The following TOX2 variants were observed in gnomAD, a reference collection of about 807,000 sequenced individuals.
The protein encoded by TOX2 is granulosa cell HMG box 1.
TOX2 carries 15 observed loss-of-function variants against 47.4 expected under a neutral mutation model. That is an observed-to-expected ratio of 0.32 (90% CI 0.21 to 0.49). TOX2 has a LOEUF of 0.49. Ranked by LOEUF, TOX2 falls within the 20% of genes least tolerant of loss-of-function variation. The pLI is 0.99. For synonymous variants in TOX2, 290 were observed against 296.6 expected, an observed-to-expected ratio of 0.98 and a Z score of 0.23; for missense variants, 622 against 673.1, an observed-to-expected ratio of 0.92 and a Z score of 0.84.
intron 1 of TOX2, among the ~76,000 whole-genome samples, chr20:43,937,086 C>T (rs2069335504): frequency 6.6e-6 from 1 of 152,170 alleles, no homozygotes; most frequent in South Asian, 2.1e-4. Context: ...AGGAGAGCCA[C>T]ACAGGGCCGG....
intron 1 of TOX2, chr20:43,945,828 C>A: frequency 6.3e-7 from 1 of 1,575,042 alleles, no homozygotes; most frequent in South Asian, 1.1e-5. Context: ...GGTGCTGGGC[C>A]TCCAGCCAAT....
chr20:43,942,846 GAACCGT>G (rs2069418743), intron 1 of TOX2, among the ~76,000 whole-genome samples: 1 of 152,104 alleles, frequency 6.6e-6, no homozygotes, highest in Admixed American at 6.6e-5. Flanking sequence ...TCTTTGTTTT[GAACCGT>G]AACCATCACG....
At chr20:44,026,248 T>TATATATATATATATATATATATAC (rs750976068) in intron 3 of TOX2, among the ~76,000 whole-genome samples, 1 of 67,738 alleles carries the variant, frequency 1.5e-5, no homozygotes, top group African/African-American at 7.2e-5. Context: ...TATATATATA[T>TATATATATATATATATATATATAC]AGACACACAC....
rs2071899061 is a variant in TOX2 at position 44,069,424 on chromosome 20, T to C, written c.*738T>C. The C allele has an allele frequency of 6.5e-6, 1 of 154,638 alleles. No individual in the cohort carries two copies. Among genetic ancestry groups the C allele is most frequent in the African/African-American group, 2.4e-5 (1 of 41,446 alleles). 9.6% of individuals were successfully genotyped at this position (154,638 alleles called of 1,614,324 possible). ...TCTATTTTAAATTGCCGGCGACGAC[T>C]TTTGTCTATTTATGAAGAAACCTTG... On this transcript the variant is annotated 3_prime_UTR_variant, in exon 9 of 9. Coordinates refer to ENST00000341197, the MANE Select transcript of TOX2 (RefSeq NM_001098797.2).
intron 3 of TOX2, chr20:44,007,297 A>T (rs1229513416): frequency 2.5e-5 from 4 of 158,304 alleles, no homozygotes; most frequent in African/African-American, 9.6e-5. Context: ...GGGAGGCTAA[A>T]TGGGAGGATC....
At chr20:44,021,474 C>A (rs1264561257) in intron 3 of TOX2, among the ~76,000 whole-genome samples, 1 of 152,186 alleles carries the variant, frequency 6.6e-6, no homozygotes, top group East Asian at 1.9e-4. Context: ...AGCCCCAGAC[C>A]TGAGGCCCCT....
chr20:43,965,588 A>G (rs2069837178), intron 1 of TOX2, among the ~76,000 whole-genome samples: 1 of 152,172 alleles, frequency 6.6e-6, no homozygotes, highest in Admixed American at 6.5e-5. Flanking sequence ...ATCTATTTGC[A>G]TAGATTTCCC....
At chr20:44,019,434 G>A (rs1352279740) in intron 3 of TOX2, among the ~76,000 whole-genome samples, 1 of 152,212 alleles carries the variant, frequency 6.6e-6, no homozygotes, top group Non-Finnish European at 1.5e-5. Context: ...CCCTATCCTT[G>A]GCCCAGGCCT....
chr20:44,043,485 C>A (rs980568003), intron 3 of TOX2, among the ~76,000 whole-genome samples: 1 of 152,166 alleles, frequency 6.6e-6, no homozygotes, highest in Non-Finnish European at 1.5e-5. Flanking sequence ...ATATTTTAAA[C>A]GTGTTCATAA....
intron 6 of TOX2, among the ~76,000 whole-genome samples, chr20:44,065,309 G>GTGT (rs2071793637): frequency 6.6e-6 from 1 of 152,226 alleles, no homozygotes; most frequent in Non-Finnish European, 1.5e-5. Context: ...GTGGAGGTGG[G>GTGT]TGTTGTTCCT....
rs115480475 is a variant in TOX2, at chr20:44,066,966, G to A, written c.1484+109G>A. 2,201 of 1,459,908 alleles carry A rather than the reference G, an allele frequency of 1.5e-3. 22 individuals carry two copies. In the African/African-American group the frequency reaches 0.028, roughly 19 times the overall value. 90.4% of individuals were successfully genotyped at this position (1,459,908 alleles called of 1,614,324 possible). ...GGCAACGTGGACAGGGGAGGACCCT[G>A]CAGTCACTGTCAGCCCTGCTGAGGG... On this transcript the variant is annotated intron_variant, in intron 8 of 8. Coordinates refer to ENST00000341197, the MANE Select transcript of TOX2 (RefSeq NM_001098797.2).
intron 2 of TOX2, among the ~76,000 whole-genome samples, chr20:43,992,587 G>A (rs987391167): frequency 6.6e-6 from 1 of 152,120 alleles, no homozygotes; most frequent in Non-Finnish European, 1.5e-5. Flanking sequence ...AAAAAATGTC[G>A]TGGTTGAATG....
chr20:43,999,453 A>C (rs935517684), intron 2 of TOX2, among the ~76,000 whole-genome samples: 11 of 152,196 alleles, frequency 7.2e-5, no homozygotes, highest in African/African-American at 2.7e-4. Context: ...ACAACCCATA[A>C]AGGAAACTAA....
chr20:43,955,471 C>T (rs1387014588), intron 1 of TOX2, among the ~76,000 whole-genome samples: 3 of 152,026 alleles, frequency 2.0e-5, no homozygotes, highest in Non-Finnish European at 4.4e-5. Flanking sequence ...CAGGGTGAGC[C>T]GAGGTACTCA....
chr20:43,931,551 C>T (rs561200336), intron 1 of TOX2, among the ~76,000 whole-genome samples: 1 of 152,338 alleles, frequency 6.6e-6, no homozygotes, highest in Admixed American at 6.5e-5. Context: ...CTGTGGGCTC[C>T]CTGGGGCTGG....
At chr20:44,023,429 C>T (rs1304056915) in intron 3 of TOX2, among the ~76,000 whole-genome samples, 1 of 8,824 alleles carries the variant, frequency 1.1e-4, no homozygotes, top group Non-Finnish European at 1.8e-4. Context: ...GACTTTATCT[C>T]AGAAAAAAAA....
chr20:44,066,073 A>G lies in TOX2; in HGVS notation c.1322A>G (p.Gln441Arg). ...VLPTPMALQV[Q>R]LAMSPSPPGP... ...CCCACCCCCATGGCACTCCAGGTGC[A>G]GCTGGCGATGAGCCCCTCACCTCCA... is the stretch of plus-strand genomic sequence containing the variant. Residue 441 changes from glutamine (Q) to arginine (R), a missense_variant, in exon 7 of 9, where the codon CAG becomes CGG. By Grantham distance (43) the Gln-to-Arg change is conservative. Transcript: ENST00000341197. The G allele has an allele frequency of 6.4e-7, 1 of 1,568,804 alleles. No homozygotes were observed. Among genetic ancestry groups the G allele is most frequent in the Non-Finnish European group, 8.6e-7 (1 of 1,157,656 alleles).
intron 3 of TOX2, among the ~76,000 whole-genome samples, chr20:44,011,016 G>A (rs369707177): frequency 1.3e-5 from 2 of 152,112 alleles, no homozygotes; most frequent in East Asian, 1.9e-4. Context: ...TCCCTGGCTC[G>A]TGGCTGCATC....
At chr20:43,954,271 T>C (rs1468802709) in intron 1 of TOX2, among the ~76,000 whole-genome samples, 1 of 152,232 alleles carries the variant, frequency 6.6e-6, no homozygotes, top group Non-Finnish European at 1.5e-5. Context: ...ACTTGTTGCC[T>C]GACAGCCTCC....
Sources: allele counts gnomAD v4.1 joint callset (sites outside exome capture counted in the v4.1 genomes callset), GRCh38; gene constraint gnomAD v4.1.1; transcripts MANE v1.5; gene names NCBI Gene and HGNC (gene_info 2026-07-23, HGNC 2026-07-21).